Variants in HMGA2 observed in about 807,000 individuals in gnomAD.
The protein encoded by HMGA2 is high mobility group AT-hook 2.
HMGA2 carries 8 observed loss-of-function variants against 19.1 expected under a neutral mutation model. The ratio of observed to expected loss-of-function variants is 0.42; its 90% CI spans 0.25 to 0.76. The LOEUF (loss-of-function observed/expected upper bound fraction) is 0.76, where lower values mean the gene tolerates loss of function less well. Among genes scored for constraint, HMGA2 ranks in the 30% least tolerant of loss-of-function variants. The pLI, the probability that HMGA2 is intolerant of heterozygous loss-of-function variation, is 0.28. For missense variants in HMGA2, 109 were observed against 136.3 expected (o/e 0.80, Z 1.00); for synonymous variants, 60 against 48.8 (o/e 1.23, Z -0.96).
At chr12:65,916,769 G>A (rs939212969) in intron 3 of HMGA2, among the ~76,000 whole-genome samples, 1 of 152,188 alleles carries the variant, frequency 6.6e-6, no homozygotes, top group African/African-American at 2.4e-5. Context: ...GAAAATAATA[G>A]AGAGAAAGAG....
intron 3 of HMGA2, among the ~76,000 whole-genome samples, chr12:65,912,004 A>G (rs1031024212): frequency 3.9e-5 from 6 of 152,196 alleles, no homozygotes; most frequent in Non-Finnish European, 7.3e-5. Flanking sequence ...CTTATAGATA[A>G]TACGTTGTAT....
chr12:65,948,657 A>G (rs1876349760), intron 3 of HMGA2, among the ~76,000 whole-genome samples: 1 of 152,336 alleles, frequency 6.6e-6, no homozygotes, highest in Middle Eastern at 3.4e-3. Context: ...CCCAACCAAC[A>G]TTGAAAGTAT....
intron 3 of HMGA2, among the ~76,000 whole-genome samples, chr12:65,921,697 TC>T (rs1162919783): frequency 5.3e-5 from 8 of 152,298 alleles, no homozygotes; most frequent in Admixed American, 2.0e-4. Context: ...CTAATGTTAA[TC>T]CCCAAGACCA....
intron 4 of HMGA2, chr12:65,952,512 A>G: frequency 6.8e-7 from 1 of 1,468,786 alleles, no homozygotes; most frequent in African/African-American, 1.4e-5. Context: ...TAAGTGGAAT[A>G]AAAACAGAGT....
intron 2 of HMGA2, among the ~76,000 whole-genome samples, chr12:65,835,870 A>G (rs1870695572): frequency 1.3e-5 from 2 of 152,072 alleles, no homozygotes; most frequent in African/African-American, 4.8e-5. Flanking sequence ...AATAAAAAGG[A>G]TTTCTATTTT....
intron 3 of HMGA2, among the ~76,000 whole-genome samples, chr12:65,923,543 T>C (rs1875395989): frequency 6.6e-6 from 1 of 152,160 alleles, no homozygotes; most frequent in Non-Finnish European, 1.5e-5. Flanking sequence ...CAACAAAATA[T>C]ATTTTGAGGC....
At chr12:65,910,449 G>A (rs773203361) in intron 3 of HMGA2, among the ~76,000 whole-genome samples, 12 of 152,180 alleles carry the variant, frequency 7.9e-5, no homozygotes, top group East Asian at 3.9e-4. Context: ...TCTTTACACC[G>A]TACTCACTCC....
chr12:65,950,999 G>A (rs1876438543), intron 3 of HMGA2, among the ~76,000 whole-genome samples: 1 of 152,124 alleles, frequency 6.6e-6, no homozygotes, highest in African/African-American at 2.4e-5. Context: ...CATGATCACG[G>A]CTCACTGCAG....
chr12:65,860,113 G>A (rs1473703005), intron 3 of HMGA2: 4 of 416,320 alleles, frequency 9.6e-6, no homozygotes, highest in Middle Eastern at 3.5e-4. Flanking sequence ...AAAGAAAAGA[G>A]AAAAGGAAAA....
chr12:65,952,425 A>G, intron 4 of HMGA2: 2 of 1,534,484 alleles, frequency 1.3e-6, no homozygotes, highest in Non-Finnish European at 1.7e-6. Flanking sequence ...TAAAAATGCC[A>G]CTTAGAAGAG....
At chr12:65,899,243 A>G (rs192262570) in intron 3 of HMGA2, among the ~76,000 whole-genome samples, 255 of 152,202 alleles carry the variant, frequency 1.7e-3, no homozygotes, top group African/African-American at 5.2e-3. Context: ...TGAATATCCA[A>G]ATGTTTCCAA....
intron 3 of HMGA2, among the ~76,000 whole-genome samples, chr12:65,941,969 C>T (rs1249157756): frequency 1.3e-5 from 2 of 152,088 alleles, no homozygotes; most frequent in Admixed American, 1.3e-4. Flanking sequence ...AGTCCTGATC[C>T]GATTTCATAT....
chr12:65,844,245 C>T (rs940628028), intron 3 of HMGA2, among the ~76,000 whole-genome samples: 1 of 152,000 alleles, frequency 6.6e-6, no homozygotes, highest in South Asian at 2.1e-4. Flanking sequence ...GCCATTATCA[C>T]GTGCTTTAAA....
chr12:65,943,829 G>A (rs1191681605), intron 3 of HMGA2, among the ~76,000 whole-genome samples: 1 of 152,178 alleles, frequency 6.6e-6, no homozygotes, highest in Non-Finnish European at 1.5e-5. Flanking sequence ...ATGCACACAG[G>A]AGGCACAATG....
At chr12:65,948,699 G>T (rs546404526) in intron 3 of HMGA2, among the ~76,000 whole-genome samples, 4 of 152,216 alleles carry the variant, frequency 2.6e-5, no homozygotes, top group Non-Finnish European at 5.9e-5. Flanking sequence ...GGTCTGAAAA[G>T]TATGAAGTGC....
chr12:65,880,852 A>C (rs1300085467), intron 3 of HMGA2, among the ~76,000 whole-genome samples: 1 of 152,260 alleles, frequency 6.6e-6, no homozygotes, highest in African/African-American at 2.4e-5. Context: ...ACCTTTCAAG[A>C]AATGAGAATA....
chr12:65,888,299 T>C lies in HMGA2; in HGVS notation c.249+49730T>C, dbSNP rs1199937167. 2.0e-5 allele frequency among the ~76,000 whole-genome samples: 3 copies of C among 151,512 alleles called. No homozygotes were observed. The East Asian group carries it at 5.9e-4, about 30-fold the overall frequency. ...GGTGAAACCCTGTCTCTACTAAAAA[T>C]ATAAAAGTTAGCCGGGCGCAGTGGT... On this transcript the variant is annotated intron_variant, in intron 3 of 4. Coordinates refer to ENST00000403681, the MANE Select transcript of HMGA2 (RefSeq NM_003483.6).
intron 3 of HMGA2, among the ~76,000 whole-genome samples, chr12:65,927,856 T>C (rs1178218324): frequency 6.7e-6 from 1 of 149,794 alleles, no homozygotes; most frequent in African/African-American, 2.4e-5. Flanking sequence ...TGTGTGTATA[T>C]ATATTTTTTA....
chr12:65,963,235 T>G lies in HMGA2; in HGVS notation c.283-10T>G. The G allele has an allele frequency of 6.2e-7, 1 of 1,613,634 alleles. No homozygotes were observed. On this transcript the variant is annotated splice_polypyrimidine_tract_variant and intron_variant, in intron 4 of 4. Transcript: ENST00000403681. Reference sequence around the variant, plus strand: ...TTGAGCGTCATGGCTGTGCCCTTTGTGTGTTCCAGGAGGAAACTGAAGAGA... The same window carrying G: ...TTGAGCGTCATGGCTGTGCCCTTTGGGTGTTCCAGGAGGAAACTGAAGAGA...
Sources: allele counts gnomAD v4.1 joint callset (sites outside exome capture counted in the v4.1 genomes callset), GRCh38; gene constraint gnomAD v4.1.1; transcripts MANE v1.5; gene names NCBI Gene and HGNC (gene_info 2026-07-23, HGNC 2026-07-21).